GRAMD1B: variants seen among roughly 807,000 people sequenced by gnomAD.
The protein encoded by GRAMD1B is protein Aster-B.
GRAMD1B carries 37 observed loss-of-function variants against 99.7 expected under a neutral mutation model. The observed-to-expected ratio is 0.37, with a 90% CI of 0.29 to 0.49. The LOEUF (loss-of-function observed/expected upper bound fraction) is 0.49. Among genes scored for constraint, GRAMD1B ranks in the 20% least tolerant of loss-of-function variants. The pLI is 0.98. For synonymous variants in GRAMD1B, 427 were observed against 387.6 expected (o/e 1.10, Z -1.19); for missense variants, 888 against 1,009.2 (o/e 0.88, Z 1.63).
rs903167819 is a variant in GRAMD1B, at chr11:123,560,554, C to G, written c.453-16813C>G. The G allele has an allele frequency of 7.2e-6, 7 of 971,720 alleles. No homozygotes were observed. The Admixed American group carries it at 1.6e-4, about 23-fold the overall frequency. 60.2% of individuals were successfully genotyped at this position (971,720 alleles called of 1,614,324 possible). ...TGAGTGCCCTCCAGCCTCCTCAGGGCCCCCGCTCCCCGCCCCCGCCCCCCA... is the reference window on the plus strand; with the variant it reads ...TGAGTGCCCTCCAGCCTCCTCAGGGGCCCCGCTCCCCGCCCCCGCCCCCCA... On this transcript the variant is annotated intron_variant, in intron 2 of 19. Transcript: ENST00000635736.
intron 1 of GRAMD1B, among the ~76,000 whole-genome samples, chr11:123,441,430 G>A (rs551919179): frequency 1.3e-5 from 2 of 152,016 alleles, no homozygotes; most frequent in Non-Finnish European, 2.9e-5. Flanking sequence ...CGCTTGAGCC[G>A]AGGAGTTGGA....
intron 2 of GRAMD1B, among the ~76,000 whole-genome samples, chr11:123,485,788 C>T (rs1204095687): frequency 6.7e-6 from 1 of 149,116 alleles, no homozygotes; most frequent in Non-Finnish European, 1.5e-5. Flanking sequence ...GATCTTGGCT[C>T]ACGGTAACCT....
chr11:123,447,612 G>A (rs1949700652), intron 1 of GRAMD1B, among the ~76,000 whole-genome samples: 1 of 152,062 alleles, frequency 6.6e-6, no homozygotes, highest in Non-Finnish European at 1.5e-5. Context: ...TGTGGTCCTG[G>A]GCAGATTACT....
intron 2 of GRAMD1B, among the ~76,000 whole-genome samples, chr11:123,542,963 G>GTTTTTC (rs924437956): frequency 2.3e-5 from 3 of 129,396 alleles, no homozygotes; most frequent in Non-Finnish European, 5.2e-5. Context: ...CTGGCGAGTA[G>GTTTTTC]TTTTTCTTTT....
At chr11:123,489,138 G>A (rs1230000248) in intron 2 of GRAMD1B, among the ~76,000 whole-genome samples, 2 of 149,422 alleles carry the variant, frequency 1.3e-5, no homozygotes, top group African/African-American at 2.4e-5. Flanking sequence ...GGTCCTAGAA[G>A]AGTTAAAAAA....
rs979873813 is a variant in GRAMD1B, at chr11:123,623,409, C to A, written c.*814C>A. On this transcript the variant is annotated 3_prime_UTR_variant, in exon 20 of 20. Coordinates refer to ENST00000635736, the MANE Select transcript of GRAMD1B (RefSeq NM_001387025.1). ...TAAAGTCCTATTGTTTCTCTGTGCC[C>A]TAAGAGCACATTGTTTATTAGCCAG... The A allele has an allele frequency of 5.3e-5, 8 of 152,194 alleles. No individual in the cohort carries two copies. Among genetic ancestry groups the A allele is most frequent in the African/African-American group, 1.9e-4 (8 of 41,436 alleles). The allele number at this position is 152,194 out of a possible 1,614,324, so 9.4% of individuals were successfully genotyped here.
chr11:123,421,052 A>G (rs1321232802), intron 1 of GRAMD1B, among the ~76,000 whole-genome samples: 1 of 152,232 alleles, frequency 6.6e-6, no homozygotes, highest in African/African-American at 2.4e-5. Flanking sequence ...AAGACCACGT[A>G]AGTTAATTGT....
At chr11:123,438,487 A>G (rs1949265004) in intron 1 of GRAMD1B, among the ~76,000 whole-genome samples, 1 of 152,138 alleles carries the variant, frequency 6.6e-6, no homozygotes, top group South Asian at 2.1e-4. Context: ...AGGTGTGAGG[A>G]TGACCCTGTT....
At chr11:123,520,625 A>G (rs11219183) in intron 2 of GRAMD1B, among the ~76,000 whole-genome samples, 17,801 of 151,732 alleles carry the variant, frequency 0.12, 1,495 homozygotes, top group East Asian at 0.41. Context: ...AAAAATAAAA[A>G]TAAATTAGCT....
At chr11:123,592,398 T>C (rs865957072) in intron 4 of GRAMD1B, among the ~76,000 whole-genome samples, 15 of 152,310 alleles carry the variant, frequency 9.8e-5, no homozygotes, top group Middle Eastern at 3.4e-3. Context: ...CTTCTCTGTT[T>C]CTCAATTTCC....
At chr11:123,379,127 G>T (rs950777325) in intron 1 of GRAMD1B, among the ~76,000 whole-genome samples, 1 of 152,156 alleles carries the variant, frequency 6.6e-6, no homozygotes, top group African/African-American at 2.4e-5. Context: ...TTATACCTTA[G>T]GAATGTCTCC....
At chr11:123,507,469 A>G (rs1940550734) in intron 2 of GRAMD1B, among the ~76,000 whole-genome samples, 2 of 152,228 alleles carry the variant, frequency 1.3e-5, no homozygotes, top group South Asian at 4.1e-4. Flanking sequence ...GTGGGATGGA[A>G]TAGGAATGGG....
At chr11:123,478,178 G>A (rs1453770169) in intron 1 of GRAMD1B, among the ~76,000 whole-genome samples, 1 of 151,926 alleles carries the variant, frequency 6.6e-6, no homozygotes, top group Non-Finnish European at 1.5e-5. Flanking sequence ...ATCATGCCTG[G>A]CTAATTTTTT....
At chr11:123,595,865 C>T in intron 6 of GRAMD1B, 77 bp from the exon 7 acceptor site, 1 of 735,216 alleles carries the variant, frequency 1.4e-6, no homozygotes, top group Non-Finnish European at 2.4e-6. Context: ...TACACTGGCG[C>T]CCCCTGAACA....
Position 123,494,456 on chromosome 11 carries a change from C to T in GRAMD1B, c.452+13563C>T, listed in dbSNP as rs1239970296. Among the ~76,000 whole-genome samples the T allele has an allele frequency of 3.4e-5, 5 of 148,364 alleles. No homozygotes were observed. The Admixed American group carries it at 3.4e-4, about 10-fold the overall frequency. On this transcript the variant is annotated intron_variant, in intron 2 of 19. Coordinates refer to ENST00000635736, the MANE Select transcript of GRAMD1B (RefSeq NM_001387025.1). Reference sequence around the variant, plus strand: ...TTTTTAGGTCTGAGCTAAGCTCTGACTTTTGAGGGCAGGGCAAAGAAGCAA... The same window carrying T: ...TTTTTAGGTCTGAGCTAAGCTCTGATTTTTGAGGGCAGGGCAAAGAAGCAA...
chr11:123,522,186 A>G (rs1173513000), intron 2 of GRAMD1B, among the ~76,000 whole-genome samples: 1 of 152,204 alleles, frequency 6.6e-6, no homozygotes, highest in East Asian at 1.9e-4. Context: ...AACCATGGAG[A>G]CTGCTTTCCG....
intron 2 of GRAMD1B, among the ~76,000 whole-genome samples, chr11:123,488,889 C>T (rs958782284): frequency 3.3e-5 from 5 of 151,882 alleles, no homozygotes; most frequent in African/African-American, 4.8e-5. Flanking sequence ...GAGGAAGGGG[C>T]GTGGGACCCG....
chr11:123,513,575 T>TC (rs1431376187), intron 2 of GRAMD1B, among the ~76,000 whole-genome samples: 10 of 77,222 alleles, frequency 1.3e-4, no homozygotes, highest in East Asian at 7.2e-4. Flanking sequence ...CTTCCTTCCT[T>TC]CCTTTCCTTC....
At chr11:123,452,406 G>C (rs960071931) in intron 1 of GRAMD1B, among the ~76,000 whole-genome samples, 2 of 152,174 alleles carry the variant, frequency 1.3e-5, no homozygotes, top group Non-Finnish European at 2.9e-5. Flanking sequence ...AGCACTTTGG[G>C]AGGCCGAGGC....
Sources: gnomAD v4.1 joint callset for allele counts (sites outside exome capture counted in the v4.1 genomes callset) on GRCh38, gnomAD v4.1.1 for gene constraint, MANE v1.5 for transcripts, NCBI Gene and HGNC (gene_info 2026-07-23, HGNC 2026-07-21) for gene names.